Variants in ACP1 observed in about 807,000 individuals in gnomAD.
The protein encoded by ACP1 is acid phosphatase 1, also known as low molecular weight phosphotyrosine protein phosphatase.
Under a neutral mutation model 23.4 loss-of-function variants are expected in ACP1, and 23 were observed. The observed-to-expected ratio is 0.98, with a 90% CI of 0.71 to 1.39. The LOEUF is 1.39. Ranked by LOEUF, ACP1 falls within the 40% of genes most tolerant of loss-of-function variation. ACP1 has a pLI of 0.00. For missense variants in ACP1, 180 were observed against 197.7 expected (o/e 0.91, Z 0.54); for synonymous variants, 72 against 67.2 (o/e 1.07, Z -0.35).
At chr2:273,239 A>G (rs1304907882) in intron 3 of ACP1, 1 of 152,300 alleles carries the variant, frequency 6.6e-6, no homozygotes. Flanking sequence ...ATTAATAAAG[A>G]TCCTGCGTCT....
intron 3 of ACP1, chr2:272,928 T>TG (rs1176894665): frequency 6.5e-6 from 1 of 154,548 alleles, no homozygotes; most frequent in Non-Finnish European, 1.5e-5. Flanking sequence ...GAATCTTCAT[T>TG]GGTCAGGTGA....
At chr2:271,042 A>C (rs1486970018) in intron 1 of ACP1, among the ~76,000 whole-genome samples, 1 of 151,922 alleles carries the variant, frequency 6.6e-6, no homozygotes, top group African/African-American at 2.4e-5. Flanking sequence ...TGGTCTGGAG[A>C]GTGGTGTCCC....
chr2:271,826 C>T, intron 1 of ACP1, 40 bp from the exon 2 acceptor site: 2 of 1,536,644 alleles, frequency 1.3e-6, no homozygotes, highest in Non-Finnish European at 1.8e-6. Context: ...CCCTTCCATC[C>T]AACCTAACCC....
At chr2:266,028 T>C (rs1397908991) in intron 1 of ACP1, among the ~76,000 whole-genome samples, 1 of 152,230 alleles carries the variant, frequency 6.6e-6, no homozygotes, top group Non-Finnish European at 1.5e-5. Flanking sequence ...CGACATCTTT[T>C]ATTACACAAA....
Position 277,371 on chromosome 2 carries a change from C to A in ACP1, c.*67C>A. 1.4e-6 allele frequency: 2 copies of A among 1,428,554 alleles called. No homozygotes were observed. Among genetic ancestry groups the A allele is most frequent in the South Asian group, 1.1e-5 (1 of 87,364 alleles). The allele number at this position is 1,428,554 out of a possible 1,614,324, so 88.5% of individuals were successfully genotyped here. On this transcript the variant is annotated 3_prime_UTR_variant, in exon 6 of 6. Transcript: ENST00000272065. The stretch of plus-strand genomic sequence containing the variant: ...ACCCTGAGGTCCTGCATTTCTCAGT[C>A]GGTGTGTAATCACGTTCCAGGGCCC...
chr2:268,040 G>A (rs566560961), intron 1 of ACP1, among the ~76,000 whole-genome samples: 128 of 152,272 alleles, frequency 8.4e-4, no homozygotes, highest in Middle Eastern at 6.8e-3. Context: ...ACCATGAGCC[G>A]ATTTTCAGAC....
At chr2:271,844 C>T (rs1670041947) in intron 1 of ACP1, 22 bp from the exon 2 acceptor site, 1 of 1,605,582 alleles carries the variant, frequency 6.2e-7, no homozygotes, top group Non-Finnish European at 8.5e-7. Flanking sequence ...CCCTGTTTCC[C>T]CACCCCTCCC....
chr2:277,766 A>C lies in ACP1; in HGVS notation c.*462A>C, dbSNP rs1381167837. The C allele has an allele frequency of 5.4e-6, 1 of 186,096 alleles. No individual in the cohort carries two copies. The highest frequency in any genetic ancestry group is 1.1e-5 in the Non-Finnish European group (1 of 87,368). 11.5% of individuals were successfully genotyped at this position (186,096 alleles called of 1,614,324 possible). ...CTAGGGCCTTTTGTGGATTGACAGT[A>C]GTCCCCTCCGTAGGAGCTCACAGTC... On this transcript the variant is annotated 3_prime_UTR_variant, in exon 6 of 6. Transcript: ENST00000272065.
intron 1 of ACP1, among the ~76,000 whole-genome samples, chr2:268,865 A>G (rs1457082955): frequency 6.6e-6 from 1 of 152,248 alleles, no homozygotes; most frequent in East Asian, 1.9e-4. Flanking sequence ...GGTGGCATCA[A>G]CTTTCGAAAT....
At chr2:265,969 C>G (rs770197101) in intron 1 of ACP1, among the ~76,000 whole-genome samples, 2 of 152,138 alleles carry the variant, frequency 1.3e-5, no homozygotes, top group Non-Finnish European at 2.9e-5. Context: ...TAAAGTCAAA[C>G]CTAAATATTT....
At chr2:271,030 C>T (rs1486227718) in intron 1 of ACP1, among the ~76,000 whole-genome samples, 2 of 152,086 alleles carry the variant, frequency 1.3e-5, no homozygotes, top group Non-Finnish European at 2.9e-5. Context: ...ATGTCGACAT[C>T]GTGGTCTGGA....
chr2:277,775 C>T lies in ACP1; in HGVS notation c.*471C>T, dbSNP rs889556908. ...TTTGTGGATTGACAGTAGTCCCCTC[C>T]GTAGGAGCTCACAGTCTAGATTAGA... On this transcript the variant is annotated 3_prime_UTR_variant, in exon 6 of 6. Transcript: ENST00000272065. The T allele has an allele frequency of 4.3e-4, 77 of 177,862 alleles. No individual in the cohort carries two copies. The highest frequency in any genetic ancestry group is 1.7e-3 in the African/African-American group (74 of 42,460). The allele number at this position is 177,862 out of a possible 1,614,324, so 11.0% of individuals were successfully genotyped here. A position where few individuals can be genotyped will look rare whatever the true frequency, so the allele number is the denominator to read the frequency against.
chr2:267,448 G>C (rs1669921192), intron 1 of ACP1, among the ~76,000 whole-genome samples: 5 of 152,226 alleles, frequency 3.3e-5, no homozygotes, highest in Admixed American at 3.3e-4. Flanking sequence ...GGTCAGGGAA[G>C]GCCCCACCTG....
chr2:271,067 T>C (rs767257950), intron 1 of ACP1, among the ~76,000 whole-genome samples: 18 of 152,270 alleles, frequency 1.2e-4, no homozygotes, highest in Middle Eastern at 3.4e-3. Flanking sequence ...CTTGGGCTGC[T>C]AATGCCTGGA....
At chr2:266,617 T>C (rs962832279) in intron 1 of ACP1, among the ~76,000 whole-genome samples, 1 of 152,204 alleles carries the variant, frequency 6.6e-6, no homozygotes. Context: ...GTCTGCTCGT[T>C]TCTTACACCC....
chr2:265,017 C>T lies in ACP1; in HGVS notation c.43+10C>T, dbSNP rs143584646. The T allele has an allele frequency of 1.3e-3, 2,051 of 1,612,380 alleles. 20 individuals are homozygous for T. In the African/African-American group the frequency reaches 0.022, roughly 17 times the overall value. ...CTGTTTGTGTGTCTGGGTAAGAGGG[C>T]GCCGACTTACTCATGTTCTGACGTC... is the stretch of plus-strand genomic sequence containing the variant. On this transcript the variant is annotated intron_variant, in intron 1 of 5. Coordinates refer to ENST00000272065, the MANE Select transcript of ACP1 (RefSeq NM_004300.4).
At chr2:275,273 G>C in intron 4 of ACP1, 72 bp downstream of exon 4, 1 of 839,632 alleles carries the variant, frequency 1.2e-6, no homozygotes, top group Non-Finnish European at 1.8e-6. Flanking sequence ...TTGTTGTCCA[G>C]ATTTACTTTT....
At chr2:272,329 C>G in intron 3 of ACP1, 179 bp downstream of exon 3, 1 of 1,601,368 alleles carries the variant, frequency 6.2e-7, no homozygotes, top group Non-Finnish European at 8.5e-7. Context: ...TGTTCAATTT[C>G]TAATATATAG....
At chr2:266,669 C>A (rs913522437) in intron 1 of ACP1, among the ~76,000 whole-genome samples, 2 of 152,196 alleles carry the variant, frequency 1.3e-5, no homozygotes, top group Non-Finnish European at 2.9e-5. Flanking sequence ...GCATTTAAAA[C>A]TGTGGTCGCA....
Sources: gnomAD v4.1 joint callset for allele counts (sites outside exome capture counted in the v4.1 genomes callset) on GRCh38, gnomAD v4.1.1 for gene constraint, MANE v1.5 for transcripts, NCBI Gene and HGNC (gene_info 2026-07-23, HGNC 2026-07-21) for gene names.